The following SPIRE1 variants were observed in gnomAD, a reference collection of about 807,000 sequenced individuals.
The protein encoded by SPIRE1 is protein spire homolog 1.
Under a neutral mutation model 94.1 loss-of-function variants are expected in SPIRE1, and 40 were observed. The observed-to-expected ratio is 0.43, with a 90% CI of 0.33 to 0.55. The LOEUF is 0.55. Ranked by LOEUF, SPIRE1 falls within the 20% of genes least tolerant of loss-of-function variation. The pLI, the probability that SPIRE1 is intolerant of heterozygous loss-of-function variation, is 0.06. For missense variants in SPIRE1, 838 were observed against 975.2 expected (o/e 0.86, Z 1.87); for synonymous variants, 376 against 371.7 (o/e 1.01, Z -0.13).
intron 4 of SPIRE1, among the ~76,000 whole-genome samples, chr18:12,534,336 TA>T (rs1567915142): frequency 6.6e-6 from 1 of 152,230 alleles, no homozygotes; most frequent in Non-Finnish European, 1.5e-5. Flanking sequence ...AGTTTTAGCC[TA>T]GTGCTTCTGA....
At chr18:12,548,163 A>G (rs1214471567) in intron 2 of SPIRE1, among the ~76,000 whole-genome samples, 1 of 152,202 alleles carries the variant, frequency 6.6e-6, no homozygotes, top group East Asian at 1.9e-4. Flanking sequence ...GGGACTCAAT[A>G]ATGATCTCAC....
upstream of SPIRE1, chr18:12,658,552 C>T (rs1183987538): frequency 2.1e-6 from 1 of 470,762 alleles, no homozygotes; most frequent in South Asian, 1.6e-5. Context: ...CGGGAGAAGT[C>T]ACCCGCATTG....
At chr18:12,521,851 GAC>G (rs1425178262) in intron 4 of SPIRE1, among the ~76,000 whole-genome samples, 1 of 152,024 alleles carries the variant, frequency 6.6e-6, no homozygotes, top group African/African-American at 2.4e-5. Context: ...GGGTGCTCAT[GAC>G]AGTGTCCATA....
intron 2 of SPIRE1, among the ~76,000 whole-genome samples, chr18:12,581,386 A>G (rs1282175718): frequency 6.6e-6 from 1 of 152,196 alleles, no homozygotes; most frequent in East Asian, 1.9e-4. Context: ...ACGCTATACA[A>G]TGTATAATTT....
chr18:12,479,592 A>G lies in SPIRE1; in HGVS notation c.1404+107T>C, dbSNP rs1598913542. 32 of 1,049,668 alleles carry G rather than the reference A, an allele frequency of 3.0e-5. No homozygotes were observed. In the East Asian group the frequency reaches 6.5e-4, roughly 21 times the overall value. The allele number at this position is 1,049,668 out of a possible 1,614,324, so 65.0% of individuals were successfully genotyped here. On this transcript the variant is annotated intron_variant, in intron 10 of 16. Coordinates refer to ENST00000409402, the MANE Select transcript of SPIRE1 (RefSeq NM_001128626.2). ...TAATCCTAGCTTTACTGGTTGAAAAATGGGAAGAGATTAAGCAACAACTGA... is the reference window on the plus strand; with the variant it reads ...TAATCCTAGCTTTACTGGTTGAAAAGTGGGAAGAGATTAAGCAACAACTGA...
intron 12 of SPIRE1, among the ~76,000 whole-genome samples, chr18:12,457,846 C>CTTTTTTT (rs201510377): frequency 3.0e-5 from 4 of 132,258 alleles, no homozygotes; most frequent in Non-Finnish European, 4.8e-5. Context: ...TTTCTTTTTT[C>CTTTTTTT]TTTTTTTTTT....
intron 1 of SPIRE1, among the ~76,000 whole-genome samples, chr18:12,654,561 G>A (rs1019813794): frequency 4.0e-5 from 6 of 149,058 alleles, no homozygotes; most frequent in Non-Finnish European, 7.4e-5. Context: ...GTAGGAGAAT[G>A]GCATGCACCT....
chr18:12,655,798 G>C (rs2038522274), intron 1 of SPIRE1, among the ~76,000 whole-genome samples: 6 of 152,136 alleles, frequency 3.9e-5, no homozygotes. Context: ...GTAAACTGGG[G>C]GCTTGTTCTC....
intron 2 of SPIRE1, among the ~76,000 whole-genome samples, chr18:12,622,347 T>C (rs1193728616): frequency 6.6e-6 from 1 of 151,446 alleles, no homozygotes; most frequent in Non-Finnish European, 1.5e-5. Flanking sequence ...AACAGAAGAA[T>C]GATCACAGGA....
intron 5 of SPIRE1, among the ~76,000 whole-genome samples, chr18:12,508,900 C>A (rs1166955192): frequency 6.6e-6 from 1 of 152,154 alleles, no homozygotes; most frequent in Non-Finnish European, 1.5e-5. Context: ...GTCTTGAACT[C>A]CTGACCTCAA....
intron 6 of SPIRE1, among the ~76,000 whole-genome samples, chr18:12,502,474 T>G (rs2033696503): frequency 6.6e-6 from 1 of 152,120 alleles, no homozygotes; most frequent in African/African-American, 2.4e-5. Flanking sequence ...TTCAAATAAG[T>G]ACACATTTTT....
intron 3 of SPIRE1, among the ~76,000 whole-genome samples, chr18:12,544,100 G>A (rs2035084628): frequency 6.6e-6 from 1 of 152,174 alleles, no homozygotes; most frequent in African/African-American, 2.4e-5. Context: ...AACAACAGGT[G>A]AGGTTGTGAT....
chr18:12,474,178 T>TG (rs2032468335), intron 10 of SPIRE1, among the ~76,000 whole-genome samples: 1 of 152,240 alleles, frequency 6.6e-6, no homozygotes, highest in Admixed American at 6.5e-5. Flanking sequence ...AGTTTACAGT[T>TG]GGAAGTGTCA....
chr18:12,650,381 A>C (rs1194997146), intron 1 of SPIRE1, among the ~76,000 whole-genome samples: 2 of 152,128 alleles, frequency 1.3e-5, no homozygotes, highest in Non-Finnish European at 2.9e-5. Flanking sequence ...CAACATGGCA[A>C]AATCTCTGTC....
rs1295974465 is a variant in SPIRE1 at position 12,448,626 on chromosome 18, T to C, written c.*1012A>G. The C allele has an allele frequency of 6.6e-6, 1 of 152,208 alleles. No homozygotes were observed. Among genetic ancestry groups the C allele is most frequent in the Non-Finnish European group, 1.5e-5 (1 of 68,026 alleles). 9.4% of individuals were successfully genotyped at this position (152,208 alleles called of 1,614,324 possible). On this transcript the variant is annotated 3_prime_UTR_variant, in exon 17 of 17. Coordinates refer to ENST00000409402, the MANE Select transcript of SPIRE1 (RefSeq NM_001128626.2). The surrounding 1 kb of genome is among the most constrained non-coding windows in gnomAD (Gnocchi z 4.4). ...AACTTTAAAAGAAGTAGATATTTTT[T>C]CTTTTAAAATTCATTTATAAAAATA...
intron 5 of SPIRE1, among the ~76,000 whole-genome samples, chr18:12,507,877 T>C (rs919043070): frequency 2.6e-5 from 4 of 152,042 alleles, no homozygotes; most frequent in African/African-American, 9.7e-5. Flanking sequence ...CTGAGCGCAG[T>C]GGCTCATGCC....
chr18:12,452,647 C>G, intron 14 of SPIRE1, 135 bp from the exon 15 acceptor site: 2 of 870,584 alleles, frequency 2.3e-6, no homozygotes, highest in Admixed American at 2.0e-5. Flanking sequence ...TAGAATGTAA[C>G]AAATTGACAC....
chr18:12,629,055 T>G lies in SPIRE1; in HGVS notation c.372+6007A>C, dbSNP rs549602982. Among the ~76,000 whole-genome samples, 358 of 152,358 alleles carry G rather than the reference T, an allele frequency of 2.3e-3. 3 individuals carry two copies. The highest frequency in any genetic ancestry group is 0.014 in the South Asian group (69 of 4,832). ...CAAACCAGTTCTATCAAGATTAAAG[T>G]AATGATAAAAGTTCATTTAACTTTA... On this transcript the variant is annotated intron_variant, in intron 2 of 16. Transcript: ENST00000409402.
chr18:12,600,819 C>T (rs1446365976), intron 2 of SPIRE1, among the ~76,000 whole-genome samples: 1 of 151,832 alleles, frequency 6.6e-6, no homozygotes, highest in African/African-American at 2.4e-5. Context: ...ACCTCCTGGA[C>T]TCAAAAGTGT....
Sources: gnomAD v4.1 joint callset for allele counts (sites outside exome capture counted in the v4.1 genomes callset) on GRCh38, gnomAD v4.1.1 for gene constraint, Gnocchi (gnomAD v3.1) non-coding constraint, MANE v1.5 for transcripts, NCBI Gene and HGNC (gene_info 2026-07-23, HGNC 2026-07-21) for gene names.